PIWIL2: variants seen among roughly 807,000 people sequenced by gnomAD.
PIWIL2 encodes the protein piwi-like protein 2.
A neutral mutation model predicts 116.5 loss-of-function variants in PIWIL2; 81 were observed. The observed-to-expected ratio is 0.70, with a 90% CI of 0.58 to 0.84. The LOEUF is 0.84. Among genes scored for constraint, PIWIL2 ranks in the 40% least tolerant of loss-of-function variants. The pLI, the probability that PIWIL2 is intolerant of heterozygous loss-of-function variation, is 0.00. For synonymous variants in PIWIL2, 489 were observed against 429.5 expected (o/e 1.14, Z -1.71); for missense variants, 1,272 against 1,212.3 (o/e 1.05, Z -0.73).
intron 6 of PIWIL2, 112 bp downstream of exon 6, chr8:22,284,384 CAA>C: frequency 1.8e-6 from 1 of 556,870 alleles, no homozygotes; most frequent in Non-Finnish European, 3.2e-6. Context: ...CGTCTCAATG[CAA>C]TAATGTGTTT....
chr8:22,343,965 T>C (rs1226314748), intron 20 of PIWIL2, among the ~76,000 whole-genome samples: 1 of 152,224 alleles, frequency 6.6e-6, no homozygotes, highest in Non-Finnish European at 1.5e-5. Context: ...TATTCATTAC[T>C]GCCAGAACTT....
intron 10 of PIWIL2, among the ~76,000 whole-genome samples, 169 bp downstream of exon 10, chr8:22,290,515 C>T (rs945865209): frequency 2.6e-5 from 4 of 151,974 alleles, no homozygotes; most frequent in African/African-American, 4.8e-5. Flanking sequence ...GATCATAGCT[C>T]GCTGTAACCC....
chr8:22,289,061 G>T (rs1490789519), intron 8 of PIWIL2, among the ~76,000 whole-genome samples: 1 of 151,022 alleles, frequency 6.6e-6, no homozygotes, highest in African/African-American at 2.4e-5. Flanking sequence ...GCTCATAATT[G>T]TTTAACTTCT....
intron 20 of PIWIL2, among the ~76,000 whole-genome samples, chr8:22,328,815 G>T (rs1831789038): frequency 3.1e-5 from 3 of 96,066 alleles, no homozygotes; most frequent in Admixed American, 1.3e-4. Context: ...ATGAGCTCTA[G>T]TCGTTTTTTT....
At chr8:22,346,193 AG>A (rs1832223161) in intron 20 of PIWIL2, among the ~76,000 whole-genome samples, 1 of 152,142 alleles carries the variant, frequency 6.6e-6, no homozygotes, top group African/African-American at 2.4e-5. Context: ...CACTGCACTC[AG>A]GCCTGGGCAA....
chr8:22,316,438 G>T, intron 19 of PIWIL2, 105 bp downstream of exon 19: 12 of 734,850 alleles, frequency 1.6e-5, no homozygotes, highest in East Asian at 5.6e-5. Flanking sequence ...ACAATATAAA[G>T]ATTTCTAAAC....
chr8:22,337,988 G>A (rs962267229), intron 20 of PIWIL2, among the ~76,000 whole-genome samples: 1 of 152,050 alleles, frequency 6.6e-6, no homozygotes, highest in Admixed American at 6.6e-5. Context: ...CAACTACTCG[G>A]GAGGCTGAGG....
intron 20 of PIWIL2, among the ~76,000 whole-genome samples, chr8:22,351,465 A>G (rs1373577501): frequency 1.1e-5 from 1 of 92,940 alleles, no homozygotes; most frequent in African/African-American, 5.5e-5. Context: ...ATATATATAT[A>G]TATATATATA....
At chr8:22,335,325 T>G (rs11990409) in intron 20 of PIWIL2, among the ~76,000 whole-genome samples, 6,953 of 152,162 alleles carry the variant, frequency 0.046, 528 homozygotes, top group African/African-American at 0.16. Flanking sequence ...ACAGTACAAA[T>G]TCAAAGAAAA....
At chr8:22,351,159 AT>A (rs199518508) in intron 20 of PIWIL2, among the ~76,000 whole-genome samples, 172 of 151,622 alleles carry the variant, frequency 1.1e-3, no homozygotes, top group African/African-American at 4.0e-3. Flanking sequence ...TCAAAAAAAA[AT>A]AATTAATTAA....
chr8:22,321,388 C>T (rs528580938), intron 20 of PIWIL2, among the ~76,000 whole-genome samples: 6 of 152,296 alleles, frequency 3.9e-5, no homozygotes, highest in Admixed American at 6.5e-5. Context: ...GCTGGGATTA[C>T]GGGCATGAGC....
At chr8:22,350,752 A>C (rs1832334435) in intron 20 of PIWIL2, among the ~76,000 whole-genome samples, 1 of 152,228 alleles carries the variant, frequency 6.6e-6, no homozygotes, top group Non-Finnish European at 1.5e-5. Context: ...CTGTAACCTC[A>C]GCACTTTGGG....
chr8:22,349,443 A>G (rs879413973), intron 20 of PIWIL2, among the ~76,000 whole-genome samples: 20 of 147,856 alleles, frequency 1.4e-4, no homozygotes, highest in Non-Finnish European at 2.8e-4. Context: ...ATATATATAT[A>G]TAAATTTTAC....
chr8:22,355,436 T>G lies in PIWIL2; in HGVS notation c.2853T>G (p.Ala951=), dbSNP rs753820549. The change falls in exon 23 of 23, where the codon GCT becomes GCG. Residue 951 remains alanine (A), a synonymous_variant. Transcript: ENST00000356766. ...CTTGCAAGTATGCCCACAAGCTAGC[T>G]TTCCTGTCAGGACACATCTTGCATC... ...PAPCKYAHKL[A]FLSGHILHHE... The G allele has an allele frequency of 3.1e-6, 5 of 1,614,124 alleles. No homozygotes were observed. The South Asian group carries it at 5.5e-5, about 18-fold the overall frequency.
chr8:22,287,923 G>A (rs536495937), intron 7 of PIWIL2, among the ~76,000 whole-genome samples: 189 of 152,272 alleles, frequency 1.2e-3, no homozygotes, highest in Non-Finnish European at 2.3e-3. Flanking sequence ...CACATTTTAG[G>A]TTTGAATTCC....
chr8:22,324,802 T>C (rs563872646), intron 20 of PIWIL2, among the ~76,000 whole-genome samples: 1 of 147,756 alleles, frequency 6.8e-6, no homozygotes, highest in Non-Finnish European at 1.5e-5. Context: ...GAGAGGAAAT[T>C]TAGACACAGA....
chr8:22,297,627 C>A (rs973080522), intron 10 of PIWIL2, among the ~76,000 whole-genome samples: 1 of 152,108 alleles, frequency 6.6e-6, no homozygotes, highest in African/African-American at 2.4e-5. Flanking sequence ...AGGACCCCTG[C>A]AGTGGGGATT....
chr8:22,279,279 G>GAGT (rs1830445416), intron 1 of PIWIL2, 62 bp from the exon 2 acceptor site: 2 of 851,136 alleles, frequency 2.3e-6, no homozygotes, highest in Non-Finnish European at 2.0e-6. Flanking sequence ...AATGCTTTGT[G>GAGT]AGTGTGTCTT....
intron 10 of PIWIL2, among the ~76,000 whole-genome samples, chr8:22,301,452 C>CA (rs1831047155): frequency 6.6e-6 from 1 of 152,048 alleles, no homozygotes; most frequent in Non-Finnish European, 1.5e-5. Flanking sequence ...CGCCACCACA[C>CA]ACCTGGCTGT....
Sources: allele counts gnomAD v4.1 joint callset (sites outside exome capture counted in the v4.1 genomes callset), GRCh38; gene constraint gnomAD v4.1.1; transcripts MANE v1.5; gene names NCBI Gene and HGNC (gene_info 2026-07-23, HGNC 2026-07-21).